The following ANKRD11 variants were observed in gnomAD, a reference collection of about 807,000 sequenced individuals.
ANKRD11 encodes ankyrin repeat domain 11.
Under a neutral mutation model 195.7 loss-of-function variants are expected in ANKRD11, and 17 were observed. That is an observed-to-expected ratio of 0.09 (90% CI 0.06 to 0.13). ANKRD11 has a LOEUF of 0.13. Among genes scored for constraint, ANKRD11 ranks in the 10% least tolerant of loss-of-function variants. The pLI is 1.00. For synonymous variants in ANKRD11, 1,953 were observed against 1,528.1 expected (o/e 1.28, Z -6.49); for missense variants, 3,735 against 3,566.1 (o/e 1.05, Z -1.21).
chr16:89,317,218 A>T (rs2037015204), intron 2 of ANKRD11, 140 bp from the exon 3 acceptor site: 1 of 688,166 alleles, frequency 1.5e-6, no homozygotes, highest in Non-Finnish European at 2.6e-6. Flanking sequence ...GGCCAGGCCC[A>T]GGAAGGGACT....
In ANKRD11 at chr16:89,283,059, G is replaced by C. The variant is rs150642594; in HGVS notation, c.3483C>G (p.Ser1161=). Residue 1161 remains serine, a synonymous_variant, in exon 9 of 13, where the codon TCC becomes TCG. Transcript: ENST00000301030. The surrounding 1 kb of genome is among the most constrained non-coding windows in gnomAD (Gnocchi z 4.3). The part of the protein sequence containing the change: ...EKEEGREAYA[S]DRHRKSSDKQ... ...TGTCAGAAGACTTCCTGTGTCTGTC[G>C]GAGGCATAGGCCTCCCGTCCTTCCT... 1.2e-6 allele frequency: 2 copies of C among 1,613,750 alleles called. No individual in the cohort carries two copies. The highest frequency in any genetic ancestry group is 4.5e-5 in the East Asian group (2 of 44,852).
intron 7 of ANKRD11, 118 bp downstream of exon 7, chr16:89,288,410 G>A (rs1286617122): frequency 7.2e-6 from 11 of 1,524,918 alleles, no homozygotes; most frequent in South Asian, 4.7e-5. Context: ...TGGGCAAGGC[G>A]AAAACTCGCT....
chr16:89,406,029 G>C (rs1326768613), intron 2 of ANKRD11, among the ~76,000 whole-genome samples: 2 of 147,152 alleles, frequency 1.4e-5, no homozygotes, highest in African/African-American at 5.1e-5. Context: ...AGAATCACCT[G>C]AACCCCGAAG....
At chr16:89,437,754 G>C (rs1269019259) in intron 1 of ANKRD11, among the ~76,000 whole-genome samples, 5 of 152,070 alleles carry the variant, frequency 3.3e-5, no homozygotes, top group African/African-American at 1.2e-4. Flanking sequence ...CACCTCCCAT[G>C]CATCCGCTCC....
In ANKRD11 at chr16:89,291,537, C is replaced by A; in HGVS notation, c.227-354G>T. On this transcript the variant is annotated intron_variant, in intron 4 of 12. Transcript: ENST00000301030. The surrounding 1 kb of genome is among the most constrained non-coding windows in gnomAD (Gnocchi z 5.3). Reference sequence around the variant, plus strand: ...ACAGCTTAGCACCGGTGACCTGGCTCACACAGGACAGGTCTCTGTTCAATA... The same window carrying A: ...ACAGCTTAGCACCGGTGACCTGGCTAACACAGGACAGGTCTCTGTTCAATA... 1.5e-6 allele frequency: 1 copy of A among 674,478 alleles called. No homozygotes were observed. The allele number at this position is 674,478 out of a possible 1,614,324, so 41.8% of individuals were successfully genotyped here. A position where few individuals can be genotyped will look rare whatever the true frequency, so the allele number is the denominator to read the frequency against.
At chr16:89,441,793 A>AAAAAAG (rs1555581853) in intron 1 of ANKRD11, among the ~76,000 whole-genome samples, 1 of 141,848 alleles carries the variant, frequency 7.0e-6, no homozygotes, top group African/African-American at 2.6e-5. Context: ...AAAAAAAAAA[A>AAAAAAG]CGCAAACCTG....
chr16:89,432,948 CT>C (rs2043050552), intron 1 of ANKRD11, among the ~76,000 whole-genome samples: 13 of 21,484 alleles, frequency 6.1e-4, no homozygotes, highest in African/African-American at 1.9e-3. Context: ...GACCCTATCT[CT>C]CTCTCTCTCT....
chr16:89,353,293 G>A (rs554842892), intron 2 of ANKRD11, among the ~76,000 whole-genome samples: 2 of 151,702 alleles, frequency 1.3e-5, no homozygotes, highest in South Asian at 4.2e-4. Flanking sequence ...AGTGAGCCAA[G>A]ATGGCGCCAC....
intron 11 of ANKRD11, chr16:89,271,298 C>T (rs1369546341): frequency 9.3e-6 from 3 of 321,640 alleles, no homozygotes; most frequent in Non-Finnish European, 1.8e-5. Context: ...AGTGCAATGG[C>T]GCGATCCTGG....
chr16:89,431,764 G>A (rs1470820537), intron 1 of ANKRD11, among the ~76,000 whole-genome samples: 3 of 152,064 alleles, frequency 2.0e-5, no homozygotes, highest in Non-Finnish European at 4.4e-5. Flanking sequence ...TGAACCCACT[G>A]CAACAATGTC....
At chr16:89,380,454 G>A (rs1327872400) in intron 2 of ANKRD11, among the ~76,000 whole-genome samples, 1 of 152,142 alleles carries the variant, frequency 6.6e-6, no homozygotes, top group Non-Finnish European at 1.5e-5. Context: ...GTGGATTAGA[G>A]CTCCCTGAGC....
rs769430500 is a variant in ANKRD11 at position 89,285,053 on chromosome 16, C to G, written c.1489G>C (p.Gly497Arg). The change falls in exon 9 of 13, where the codon GGG becomes CGG. Residue 497 changes from glycine (G) to arginine (R), a missense_variant. Physicochemically the swap from Gly to Arg is moderately radical, Grantham distance 125. Transcript: ENST00000301030. This position sits in a 1 kb window ranked among gnomAD's most constrained non-coding sequence, Gnocchi z 5.6. ...GACCCCTTGAGGCAGCCAGAGCTCC[C>G]CAGAGAGTCCCTGTCATCCTCCCCA... ...ESGEDDRDSLGSSGCLKGSPL... is the reference protein window; with the variant it reads ...ESGEDDRDSLRSSGCLKGSPL... The G allele has an allele frequency of 1.2e-6, 2 of 1,613,916 alleles. No homozygotes were observed. Among genetic ancestry groups the G allele is most frequent in the South Asian group, 2.2e-5 (2 of 91,082 alleles).
chr16:89,465,845 G>A (rs1051668508), intron 1 of ANKRD11, among the ~76,000 whole-genome samples: 2 of 152,130 alleles, frequency 1.3e-5, no homozygotes, highest in African/African-American at 2.4e-5. Context: ...CGAGTAGCTG[G>A]GACTGCAGGC....
chr16:89,316,907 G>A lies in ANKRD11; in HGVS notation c.87+26C>T, dbSNP rs1285610725. ...ATCCCCATCTGGGTGCGGTGAGCATGCAGGGCTGGGAGGGGGCAGCATTAC... is the reference window on the plus strand; with the variant it reads ...ATCCCCATCTGGGTGCGGTGAGCATACAGGGCTGGGAGGGGGCAGCATTAC... On this transcript the variant is annotated intron_variant, in intron 3 of 12. Coordinates refer to ENST00000301030, the MANE Select transcript of ANKRD11 (RefSeq NM_013275.6). The A allele has an allele frequency of 5.6e-6, 9 of 1,609,480 alleles. No individual in the cohort carries two copies. In the African/African-American group the frequency reaches 9.4e-5, roughly 17 times the overall value.
At chr16:89,408,640 A>G in intron 2 of ANKRD11, among the ~76,000 whole-genome samples, 1 of 152,102 alleles carries the variant, frequency 6.6e-6, no homozygotes, top group Non-Finnish European at 1.5e-5. Flanking sequence ...GCCCACAGCT[A>G]CAGCAGCCCC....
intron 2 of ANKRD11, among the ~76,000 whole-genome samples, chr16:89,341,855 TCCACCCACA>T (rs2038679160): frequency 7.0e-6 from 1 of 141,886 alleles, no homozygotes; most frequent in Admixed American, 7.0e-5. Context: ...GTGCTGCACC[TCCACCCACA>T]GCGGCCACGG....
chr16:89,308,127 G>A (rs1381126583), intron 3 of ANKRD11, among the ~76,000 whole-genome samples: 1 of 152,204 alleles, frequency 6.6e-6, no homozygotes, highest in Non-Finnish European at 1.5e-5. Context: ...AGAACCTGAT[G>A]AGGGCATTCT....
At chr16:89,437,421 C>A (rs1218312549) in intron 1 of ANKRD11, among the ~76,000 whole-genome samples, 1 of 152,148 alleles carries the variant, frequency 6.6e-6, no homozygotes, top group Non-Finnish European at 1.5e-5. Context: ...CCACTGACTC[C>A]TCCACACCCC....
chr16:89,433,883 C>T (rs2043104096), intron 1 of ANKRD11, among the ~76,000 whole-genome samples: 1 of 152,200 alleles, frequency 6.6e-6, no homozygotes. Flanking sequence ...CCTCAGAATC[C>T]AAGAACTCCT....
Sources: gnomAD v4.1 joint callset for allele counts (sites outside exome capture counted in the v4.1 genomes callset) on GRCh38, gnomAD v4.1.1 for gene constraint, Gnocchi (gnomAD v3.1) non-coding constraint, MANE v1.5 for transcripts, NCBI Gene and HGNC (gene_info 2026-07-23, HGNC 2026-07-21) for gene names.